The following GPC6 variants were observed in gnomAD, a reference collection of about 807,000 sequenced individuals.
The protein encoded by GPC6 is glypican 6.
GPC6 carries 14 observed loss-of-function variants against 55.2 expected under a neutral mutation model. The observed-to-expected ratio is 0.25, with a 90% confidence interval of 0.17 to 0.40. GPC6 has a LOEUF of 0.40. Among genes scored for constraint, GPC6 ranks in the 10% least tolerant of loss-of-function variants. The pLI is 1.00. For missense variants in GPC6, 641 were observed against 708.5 expected, an observed-to-expected ratio of 0.90 and a Z score of 1.08; for synonymous variants, 278 against 259.6, an observed-to-expected ratio of 1.07 and a Z score of -0.68.
chr13:93,589,690 T>C (rs944777052), intron 2 of GPC6, among the ~76,000 whole-genome samples: 4 of 152,230 alleles, frequency 2.6e-5, no homozygotes, highest in African/African-American at 9.6e-5. Context: ...TTTAGAAATA[T>C]GAAATGAGGC....
chr13:93,831,347 A>G (rs1229646234), intron 3 of GPC6, among the ~76,000 whole-genome samples: 1 of 152,232 alleles, frequency 6.6e-6, no homozygotes, highest in Non-Finnish European at 1.5e-5. Flanking sequence ...CATTTAAGGC[A>G]CTTGTGAGGT....
chr13:93,380,393 A>C (rs1447076963), intron 1 of GPC6, among the ~76,000 whole-genome samples: 1 of 152,196 alleles, frequency 6.6e-6, no homozygotes, highest in African/African-American at 2.4e-5. Flanking sequence ...TTTAGAAATA[A>C]AGGTATTAAT....
rs1370949583 is a variant in GPC6, at chr13:93,409,630, A to G, written c.161-135633A>G. 2.0e-5 allele frequency among the ~76,000 whole-genome samples: 3 copies of G among 152,200 alleles called. No individual in the cohort carries two copies. The East Asian group carries it at 5.8e-4, about 29-fold the overall frequency. ...TGTGGCCTGGAACCTTTTGTTGTTCATACTTCAGCAAATCTCAAAAGAAGA... is the reference window on the plus strand; with the variant it reads ...TGTGGCCTGGAACCTTTTGTTGTTCGTACTTCAGCAAATCTCAAAAGAAGA... On this transcript the variant is annotated intron_variant, in intron 1 of 8. Transcript: ENST00000377047.
intron 2 of GPC6, among the ~76,000 whole-genome samples, chr13:93,567,886 A>C (rs1467367827): frequency 3.3e-5 from 5 of 152,182 alleles, no homozygotes; most frequent in Non-Finnish European, 5.9e-5. Flanking sequence ...GTGGCTCACC[A>C]TGGTCATACA....
Position 93,791,612 on chromosome 13 carries a change from C to CT in GPC6, c.320-38533dup, listed in dbSNP as rs200637168. On this transcript the variant is annotated intron_variant, in intron 2 of 8. Coordinates refer to ENST00000377047, the MANE Select transcript of GPC6 (RefSeq NM_005708.5). ...CCTCGTTGTTTTTCTTTTTCTTTTT[C>CT]TTTTTTTTTCATGGCACATTAATTA... Among the ~76,000 whole-genome samples, 894 of 150,708 alleles carry CT rather than the reference C, an allele frequency of 5.9e-3. 14 individuals are homozygous for CT. The highest frequency in any genetic ancestry group is 0.021 in the African/African-American group (857 of 41,146).
At chr13:93,598,061 TTGAACCCGGGAG>T (rs1877842825) in intron 2 of GPC6, among the ~76,000 whole-genome samples, 1 of 152,128 alleles carries the variant, frequency 6.6e-6, no homozygotes, top group Non-Finnish European at 1.5e-5. Flanking sequence ...GGAGAATCAC[TTGAACCCGGGAG>T]GCAGAGGTTG....
At chr13:93,374,500 G>C (rs1301746057) in intron 1 of GPC6, among the ~76,000 whole-genome samples, 1 of 152,146 alleles carries the variant, frequency 6.6e-6, no homozygotes, top group African/African-American at 2.4e-5. Context: ...CAATTAATAA[G>C]TACGAGTAAT....
chr13:93,604,688 GA>G (rs1878167000), intron 2 of GPC6, among the ~76,000 whole-genome samples: 1 of 152,052 alleles, frequency 6.6e-6, no homozygotes, highest in African/African-American at 2.4e-5. Flanking sequence ...TTAAAAAAAT[GA>G]AAATAAAAAC....
chr13:93,735,250 C>T (rs750096576), intron 2 of GPC6, among the ~76,000 whole-genome samples: 29 of 152,086 alleles, frequency 1.9e-4, no homozygotes, highest in Non-Finnish European at 3.1e-4. Flanking sequence ...AAGAAGATGT[C>T]GAGGTTGGGT....
intron 3 of GPC6, among the ~76,000 whole-genome samples, chr13:93,970,648 C>A (rs1486718547): frequency 6.6e-6 from 1 of 152,166 alleles, no homozygotes; most frequent in Non-Finnish European, 1.5e-5. Flanking sequence ...TCCGGTCACT[C>A]ATGTTTATCA....
At chr13:94,216,666 G>A (rs1425152348) in intron 4 of GPC6, among the ~76,000 whole-genome samples, 2 of 152,098 alleles carry the variant, frequency 1.3e-5, no homozygotes, top group Admixed American at 6.5e-5. Context: ...TCTGCCAGCT[G>A]GTCTCTGGAG....
chr13:93,945,451 C>T (rs987853765), intron 3 of GPC6, among the ~76,000 whole-genome samples: 1 of 152,268 alleles, frequency 6.6e-6, no homozygotes, highest in East Asian at 1.9e-4. Flanking sequence ...GTGGAAAGCA[C>T]AGGAATGCTC....
chr13:93,835,608 C>T (rs200142457), intron 3 of GPC6, among the ~76,000 whole-genome samples: 6 of 151,958 alleles, frequency 3.9e-5, no homozygotes, highest in South Asian at 2.1e-4. Context: ...CAAAATTAGC[C>T]GGGTGTGGTG....
chr13:93,928,856 TACACACACACAC>T lies in GPC6; in HGVS notation c.711+98337_711+98348del, dbSNP rs10642875. 3.6e-4 allele frequency among the ~76,000 whole-genome samples: 52 copies of T among 142,998 alleles called. No homozygotes were observed. The East Asian group carries it at 4.2e-3, about 12-fold the overall frequency. 93.8% of individuals were successfully genotyped at this position (142,998 alleles called of 152,430 possible). On this transcript the variant is annotated intron_variant, in intron 3 of 8. Transcript: ENST00000377047. ...GGCTTTCTGTTTGATCCCTGTGTGT[TACACACACACAC>T]ACACACACACACACACACACACACA...
At chr13:93,426,240 TTTA>T (rs1055417427) in intron 1 of GPC6, among the ~76,000 whole-genome samples, 20 of 152,194 alleles carry the variant, frequency 1.3e-4, no homozygotes, top group Admixed American at 4.6e-4. Context: ...TTTATTTTAT[TTTA>T]TTATTATTAT....
At chr13:93,237,334 A>ATT (rs59699929) in intron 1 of GPC6, among the ~76,000 whole-genome samples, 21 of 151,840 alleles carry the variant, frequency 1.4e-4, no homozygotes, top group African/African-American at 4.1e-4. Context: ...AATGTTAAGC[A>ATT]TTTTTTTCAC....
chr13:94,231,034 A>G (rs1284271716), intron 4 of GPC6, among the ~76,000 whole-genome samples: 1 of 152,114 alleles, frequency 6.6e-6, no homozygotes, highest in African/African-American at 2.4e-5. Context: ...AAAAGAATGT[A>G]CAGAAGCCTA....
At chr13:93,672,805 T>C (rs1881427440) in intron 2 of GPC6, among the ~76,000 whole-genome samples, 1 of 152,004 alleles carries the variant, frequency 6.6e-6, no homozygotes, top group South Asian at 2.1e-4. Flanking sequence ...GTTATTGTAT[T>C]TGACTAAAAG....
At chr13:94,119,351 C>T (rs1195963158) in intron 4 of GPC6, among the ~76,000 whole-genome samples, 1 of 151,752 alleles carries the variant, frequency 6.6e-6, no homozygotes. Context: ...CCTAGGAGAG[C>T]CAAAGGAGGG....
Sources: allele counts gnomAD v4.1 joint callset (sites outside exome capture counted in the v4.1 genomes callset), GRCh38; gene constraint gnomAD v4.1.1; transcripts MANE v1.5; gene names NCBI Gene and HGNC (gene_info 2026-07-23, HGNC 2026-07-21).